GALNT17: variants seen among roughly 807,000 people sequenced by gnomAD.
The protein encoded by GALNT17 is polypeptide N-acetylgalactosaminyltransferase 17, also known as UDP-GalNAc:polypeptide N-acetylgalactosaminyltransferase-like 3.
Under a neutral mutation model 63.7 loss-of-function variants are expected in GALNT17, and 29 were observed. The observed-to-expected ratio is 0.46, with a 90% confidence interval of 0.34 to 0.62. The LOEUF is 0.62. Among genes scored for constraint, GALNT17 ranks in the 20% least tolerant of loss-of-function variants. The pLI, the probability that GALNT17 is intolerant of heterozygous loss-of-function variation, is 0.01. For missense variants in GALNT17, 603 were observed against 799.6 expected (o/e 0.75, Z 2.97); for synonymous variants, 305 against 318.3 (o/e 0.96, Z 0.45).
At chr7:71,611,557 C>A (rs1001008733) in intron 6 of GALNT17, among the ~76,000 whole-genome samples, 2 of 152,086 alleles carry the variant, frequency 1.3e-5, no homozygotes, top group Non-Finnish European at 2.9e-5. Flanking sequence ...CTCACTGTGC[C>A]CCTGCAGAAG....
intron 1 of GALNT17, among the ~76,000 whole-genome samples, chr7:71,202,158 A>C (rs1389863331): frequency 3.3e-5 from 5 of 152,170 alleles, no homozygotes; most frequent in Non-Finnish European, 5.9e-5. Context: ...ATTTTACATA[A>C]AACAATATAA....
At chr7:71,687,056 G>A (rs1203385771) in intron 9 of GALNT17, among the ~76,000 whole-genome samples, 2 of 152,068 alleles carry the variant, frequency 1.3e-5, no homozygotes, top group Non-Finnish European at 2.9e-5. Context: ...TAGGCTCAGG[G>A]GAGGACATTA....
At chr7:71,478,146 A>G (rs539905221) in intron 5 of GALNT17, among the ~76,000 whole-genome samples, 2 of 152,148 alleles carry the variant, frequency 1.3e-5, no homozygotes, top group Admixed American at 6.5e-5. Context: ...CTAAACATAG[A>G]TGGTGGGAAC....
At chr7:71,337,163 A>G (rs1791922922) in intron 2 of GALNT17, among the ~76,000 whole-genome samples, 4 of 152,158 alleles carry the variant, frequency 2.6e-5, no homozygotes, top group Non-Finnish European at 5.9e-5. Context: ...TTTTCTATAC[A>G]GATTATGAGC....
chr7:71,212,194 A>G (rs967344135), intron 1 of GALNT17, among the ~76,000 whole-genome samples: 1 of 152,174 alleles, frequency 6.6e-6, no homozygotes, highest in African/African-American at 2.4e-5. Flanking sequence ...GGTGCCCTGC[A>G]TCCCAGCCAC....
At chr7:71,206,213 A>G (rs1373444227) in intron 1 of GALNT17, among the ~76,000 whole-genome samples, 1 of 151,476 alleles carries the variant, frequency 6.6e-6, no homozygotes, top group Admixed American at 6.6e-5. Context: ...TCTTGTGCTC[A>G]TGAATTTGTA....
At chr7:71,471,424 C>A (rs79572972) in intron 5 of GALNT17, among the ~76,000 whole-genome samples, 17,065 of 132,470 alleles carry the variant, frequency 0.13, 1,476 homozygotes, top group East Asian at 0.51. Context: ...ACAAAAAAAA[C>A]CAAAAACCAT....
chr7:71,220,847 A>G (rs1359176003), intron 1 of GALNT17, among the ~76,000 whole-genome samples: 1 of 152,146 alleles, frequency 6.6e-6, no homozygotes, highest in Non-Finnish European at 1.5e-5. Flanking sequence ...AGCCTCCAGA[A>G]CTGTGAAAAA....
chr7:71,374,834 ATTTTTTTTT>A (rs71089940), intron 2 of GALNT17, among the ~76,000 whole-genome samples: 2 of 109,652 alleles, frequency 1.8e-5, no homozygotes, highest in African/African-American at 7.2e-5. Flanking sequence ...CTTGAGGAGG[ATTTTTTTTT>A]TTTTTTTTTT....
intron 1 of GALNT17, among the ~76,000 whole-genome samples, chr7:71,296,967 A>T (rs6976905): frequency 1.3e-5 from 2 of 151,982 alleles, no homozygotes; most frequent in South Asian, 4.1e-4. Flanking sequence ...AGGATAGGAA[A>T]CTAATTCCTA....
chr7:71,616,214 G>A (rs542233598), intron 6 of GALNT17, among the ~76,000 whole-genome samples: 1 of 152,026 alleles, frequency 6.6e-6, no homozygotes, highest in South Asian at 2.1e-4. Flanking sequence ...TAGTCTGTTC[G>A]AGTACCCTAG....
intron 9 of GALNT17, among the ~76,000 whole-genome samples, chr7:71,698,393 C>A (rs781698916): frequency 1.1e-4 from 16 of 152,032 alleles, no homozygotes; most frequent in Non-Finnish European, 2.9e-5. Context: ...TGCATAAAAT[C>A]ATAAGAATAA....
chr7:71,288,744 A>C (rs976250312), intron 1 of GALNT17, among the ~76,000 whole-genome samples: 4 of 152,050 alleles, frequency 2.6e-5, no homozygotes, highest in African/African-American at 9.7e-5. Context: ...AGGGTCCCAG[A>C]ACTGGGTCAG....
At chr7:71,445,074 A>T (rs1787135850) in intron 5 of GALNT17, among the ~76,000 whole-genome samples, 1 of 152,060 alleles carries the variant, frequency 6.6e-6, no homozygotes, top group African/African-American at 2.4e-5. Flanking sequence ...GAGGGGTCTC[A>T]GTGGTGCAGA....
chr7:71,162,731 C>G (rs149685404), intron 1 of GALNT17, among the ~76,000 whole-genome samples: 6 of 152,222 alleles, frequency 3.9e-5, no homozygotes, highest in Non-Finnish European at 5.9e-5. Flanking sequence ...GTGGAGGACA[C>G]AGTTAGTGAT....
chr7:71,382,504 G>A (rs1792865470), intron 2 of GALNT17, among the ~76,000 whole-genome samples: 1 of 152,198 alleles, frequency 6.6e-6, no homozygotes, highest in African/African-American at 2.4e-5. Flanking sequence ...GACTGTTGAA[G>A]TCAAAGGTGG....
Position 71,259,638 on chromosome 7 carries a change from G to GTTTTTTTT in GALNT17, c.239-75905_239-75904insTTTTTTTT, listed in dbSNP as rs1219751607. Reference sequence around the variant, plus strand: ...AGATCTTGGTCCTGTTTTGTTTTTTGTTTTTTTGTTTTTTTTTTTTTGAGA... The same window carrying GTTTTTTTT: ...AGATCTTGGTCCTGTTTTGTTTTTTGTTTTTTTTTTTTTTTGTTTTTTTTTTTTTGAGA... On this transcript the variant is annotated intron_variant, in intron 1 of 10. Coordinates refer to ENST00000333538, the MANE Select transcript of GALNT17 (RefSeq NM_022479.3). Among the ~76,000 whole-genome samples the GTTTTTTTT allele has an allele frequency of 3.8e-4, 53 of 137,994 alleles. 2 individuals are homozygous for GTTTTTTTT. Among genetic ancestry groups the GTTTTTTTT allele is most frequent in the South Asian group, 1.2e-3 (5 of 4,204 alleles). 90.5% of individuals were successfully genotyped at this position (137,994 alleles called of 152,430 possible). A position where few individuals can be genotyped will look rare whatever the true frequency, so the allele number is the denominator to read the frequency against.
intron 5 of GALNT17, among the ~76,000 whole-genome samples, chr7:71,475,625 C>T (rs925544561): frequency 1.3e-5 from 2 of 152,156 alleles, no homozygotes; most frequent in Non-Finnish European, 2.9e-5. Context: ...TGGCCAGGTT[C>T]CTAACAGGCT....
At chr7:71,401,984 C>G (rs1210437568) in intron 3 of GALNT17, among the ~76,000 whole-genome samples, 1 of 152,168 alleles carries the variant, frequency 6.6e-6, no homozygotes, top group African/African-American at 2.4e-5. Flanking sequence ...AGGTTGGGGA[C>G]TGCTGTTCTA....
Sources: gnomAD v4.1 joint callset for allele counts (sites outside exome capture counted in the v4.1 genomes callset) on GRCh38, gnomAD v4.1.1 for gene constraint, MANE v1.5 for transcripts, NCBI Gene and HGNC (gene_info 2026-07-23, HGNC 2026-07-21) for gene names.